SAMD4A: variants seen among roughly 807,000 people sequenced by gnomAD.
SAMD4A encodes the protein sterile alpha motif domain containing 4A.
SAMD4A carries 33 observed loss-of-function variants against 81.3 expected under a neutral mutation model. That is an observed-to-expected ratio of 0.41 (90% CI 0.31 to 0.54). SAMD4A has a LOEUF of 0.54. SAMD4A is among the 20% of genes least tolerant of loss of function. The pLI, the probability that SAMD4A is intolerant of heterozygous loss-of-function variation, is 0.37. For missense variants in SAMD4A, 854 were observed against 951.1 expected (o/e 0.90, Z 1.34); for synonymous variants, 389 against 382.1 (o/e 1.02, Z -0.21).
intron 2 of SAMD4A, among the ~76,000 whole-genome samples, chr14:54,601,115 C>T (rs1264401300): frequency 1.3e-5 from 2 of 152,162 alleles, no homozygotes; most frequent in African/African-American, 2.4e-5. Context: ...GATGGTCCCT[C>T]CTGACGAATC....
At chr14:54,754,716 C>A in intron 6 of SAMD4A, 1 of 427,978 alleles carries the variant, frequency 2.3e-6, no homozygotes, top group Non-Finnish European at 3.2e-6. Context: ...CTGCCCTTGC[C>A]TGCCTCCCAT....
At chr14:54,771,127 T>C (rs2139914363) in intron 9 of SAMD4A, among the ~76,000 whole-genome samples, 1 of 152,270 alleles carries the variant, frequency 6.6e-6, no homozygotes, top group East Asian at 1.9e-4. Context: ...CTATTTTGGA[T>C]TTAAGGGAGA....
At chr14:54,733,951 C>T (rs534443450) in intron 3 of SAMD4A, among the ~76,000 whole-genome samples, 11 of 152,360 alleles carry the variant, frequency 7.2e-5, no homozygotes, top group African/African-American at 2.6e-4. Context: ...TACTCTGCCA[C>T]TGGCCCCCTC....
At chr14:54,647,663 G>A (rs911045171) in intron 2 of SAMD4A, among the ~76,000 whole-genome samples, 17 of 152,186 alleles carry the variant, frequency 1.1e-4, no homozygotes, top group Admixed American at 2.0e-4. Context: ...ATAGGGAGAC[G>A]GGTGTGTAAT....
intron 2 of SAMD4A, among the ~76,000 whole-genome samples, chr14:54,699,820 C>T (rs928743009): frequency 3.3e-5 from 5 of 152,188 alleles, no homozygotes; most frequent in African/African-American, 1.2e-4. Flanking sequence ...GGCAGAGATT[C>T]TAAAGCCTTC....
Position 54,642,677 on chromosome 14 carries a change from G to A in SAMD4A, c.197-59385G>A, listed in dbSNP as rs146998350. On this transcript the variant is annotated intron_variant, in intron 2 of 12. Transcript: ENST00000554335. ...TGAGATAACAGGAATGAAAGATCCC[G>A]TTGAGTGGATGATCCAGCTTCCTGG... Among the ~76,000 whole-genome samples the A allele has an allele frequency of 1.9e-3, 282 of 152,262 alleles. 4 individuals carry two copies. In the East Asian group the frequency reaches 0.027, roughly 15 times the overall value.
At chr14:54,586,293 A>ATT (rs1334927134) in intron 2 of SAMD4A, among the ~76,000 whole-genome samples, 2 of 152,148 alleles carry the variant, frequency 1.3e-5, no homozygotes, top group Non-Finnish European at 2.9e-5. Context: ...CTTCTTGCTG[A>ATT]GTTGTTTGAA....
chr14:54,655,777 A>AT (rs2035506982), intron 2 of SAMD4A, among the ~76,000 whole-genome samples: 1 of 152,034 alleles, frequency 6.6e-6, no homozygotes, highest in Non-Finnish European at 1.5e-5. Flanking sequence ...AAGAATATAG[A>AT]TCGGGAGTCA....
At chr14:54,638,749 C>T (rs1337175374) in intron 2 of SAMD4A, among the ~76,000 whole-genome samples, 4 of 152,026 alleles carry the variant, frequency 2.6e-5, no homozygotes, top group Admixed American at 2.0e-4. Context: ...AATGTAATAC[C>T]CAGACTAATT....
chr14:54,698,203 T>G (rs2036622501), intron 2 of SAMD4A, among the ~76,000 whole-genome samples: 1 of 152,220 alleles, frequency 6.6e-6, no homozygotes, highest in Admixed American at 6.5e-5. Flanking sequence ...TCCTTTTTAT[T>G]ATACTTCTGT....
rs150099675 is a variant in SAMD4A at position 54,638,133 on chromosome 14, T to A, written c.197-63929T>A. On this transcript the variant is annotated intron_variant, in intron 2 of 12. Coordinates refer to ENST00000554335, the MANE Select transcript of SAMD4A (RefSeq NM_015589.6). Reference sequence around the variant, plus strand: ...GGAGATTATGGCACAGCATATGGAGTCCTTACTCTCCAGGGGCAAAAGAAA... The same window carrying A: ...GGAGATTATGGCACAGCATATGGAGACCTTACTCTCCAGGGGCAAAAGAAA... Among the ~76,000 whole-genome samples the A allele has an allele frequency of 5.2e-4, 79 of 152,182 alleles. No individual in the cohort carries two copies. In the East Asian group the frequency reaches 0.013, roughly 25 times the overall value.
intron 2 of SAMD4A, among the ~76,000 whole-genome samples, chr14:54,606,107 C>A (rs957065783): frequency 6.6e-6 from 1 of 151,978 alleles, no homozygotes; most frequent in Admixed American, 6.5e-5. Context: ...TGTGCAGCCC[C>A]GCCTTTTAGA....
At chr14:54,784,277 T>C in intron 11 of SAMD4A, 2 of 1,345,484 alleles carry the variant, frequency 1.5e-6, no homozygotes, top group East Asian at 2.5e-5. Context: ...GCTGGAGGGT[T>C]CTGAGCAGAG....
At chr14:54,688,783 C>T (rs900930314) in intron 2 of SAMD4A, among the ~76,000 whole-genome samples, 4 of 152,166 alleles carry the variant, frequency 2.6e-5, no homozygotes, top group African/African-American at 9.7e-5. Flanking sequence ...TTCACATCAG[C>T]CTTACTCGAT....
At chr14:54,598,244 C>T (rs184566455) in intron 2 of SAMD4A, among the ~76,000 whole-genome samples, 9 of 152,136 alleles carry the variant, frequency 5.9e-5, no homozygotes, top group Admixed American at 6.6e-5. Flanking sequence ...TGGGTCCTTG[C>T]GTAACATAGC....
intron 2 of SAMD4A, among the ~76,000 whole-genome samples, chr14:54,615,790 C>T (rs1459348098): frequency 6.6e-6 from 1 of 151,976 alleles, no homozygotes; most frequent in Non-Finnish European, 1.5e-5. Flanking sequence ...ATATTTTAAG[C>T]ATTAAAATAT....
chr14:54,639,509 G>A (rs912226889), intron 2 of SAMD4A, among the ~76,000 whole-genome samples: 26 of 152,304 alleles, frequency 1.7e-4, no homozygotes, highest in East Asian at 3.9e-4. Context: ...TCACAAGTGG[G>A]GGCCACTCCT....
intron 8 of SAMD4A, among the ~76,000 whole-genome samples, chr14:54,769,539 G>T (rs907129553): frequency 1.3e-5 from 2 of 152,180 alleles, no homozygotes; most frequent in Non-Finnish European, 2.9e-5. Context: ...CTTTAGAGAA[G>T]GTTTAAGTCA....
intron 2 of SAMD4A, among the ~76,000 whole-genome samples, chr14:54,697,982 A>T (rs1957359): frequency 1.3e-5 from 2 of 152,066 alleles, no homozygotes; most frequent in Non-Finnish European, 2.9e-5. Context: ...ACTCGGAGAC[A>T]GCAAGGGGAG....
Sources: allele counts gnomAD v4.1 joint callset (sites outside exome capture counted in the v4.1 genomes callset), GRCh38; gene constraint gnomAD v4.1.1; transcripts MANE v1.5; gene names NCBI Gene and HGNC (gene_info 2026-07-23, HGNC 2026-07-21).